The following HS3ST4 variants were observed in gnomAD, a reference collection of about 807,000 sequenced individuals.
The protein encoded by HS3ST4 is heparan sulfate glucosamine 3-O-sulfotransferase 4.
HS3ST4 carries 17 observed loss-of-function variants against 29.2 expected under a neutral mutation model. The ratio of observed to expected loss-of-function variants is 0.58; its 90% CI spans 0.40 to 0.87. The LOEUF is 0.87. HS3ST4 is among the 40% of genes least tolerant of loss of function. HS3ST4 has a pLI of 0.00. For missense variants in HS3ST4, 627 were observed against 634.5 expected, an observed-to-expected ratio of 0.99 and a Z score of 0.13; for synonymous variants, 314 against 285.7, an observed-to-expected ratio of 1.10 and a Z score of -1.00.
At chr16:25,920,895 G>A (rs1968344814) in intron 1 of HS3ST4, among the ~76,000 whole-genome samples, 1 of 152,052 alleles carries the variant, frequency 6.6e-6, no homozygotes, top group Non-Finnish European at 1.5e-5. Flanking sequence ...TGGGATTACA[G>A]GTGTGAGCCA....
intron 1 of HS3ST4, among the ~76,000 whole-genome samples, chr16:25,985,649 A>T (rs534424125): frequency 1.3e-5 from 2 of 151,166 alleles, no homozygotes; most frequent in East Asian, 3.9e-4. Flanking sequence ...CTTATTACTT[A>T]TTTTTTATTT....
At chr16:25,761,066 C>G (rs1244123746) in intron 1 of HS3ST4, among the ~76,000 whole-genome samples, 1 of 152,154 alleles carries the variant, frequency 6.6e-6, no homozygotes, top group Non-Finnish European at 1.5e-5. Flanking sequence ...GACCGACCTC[C>G]CCATCAGACC....
chr16:25,862,517 G>A (rs968153273), intron 1 of HS3ST4, among the ~76,000 whole-genome samples: 1 of 152,270 alleles, frequency 6.6e-6, no homozygotes, highest in African/African-American at 2.4e-5. Context: ...TAATGCCGAT[G>A]CTGATATGAC....
intron 1 of HS3ST4, among the ~76,000 whole-genome samples, chr16:26,057,868 G>A (rs1255510070): frequency 6.6e-6 from 1 of 152,194 alleles, no homozygotes; most frequent in Non-Finnish European, 1.5e-5. Context: ...GAGAGATGCA[G>A]GTCTGGGCCA....
At chr16:25,906,799 T>C (rs541707755) in intron 1 of HS3ST4, among the ~76,000 whole-genome samples, 9 of 152,192 alleles carry the variant, frequency 5.9e-5, no homozygotes, top group African/African-American at 1.9e-4. Context: ...TGTTTGGAAA[T>C]AGCGCTTAAG....
intron 1 of HS3ST4, among the ~76,000 whole-genome samples, chr16:25,822,609 T>C (rs1967171168): frequency 6.6e-6 from 1 of 152,208 alleles, no homozygotes; most frequent in African/African-American, 2.4e-5. Context: ...TGCCCTCTGC[T>C]GAGGACCACT....
intron 1 of HS3ST4, among the ~76,000 whole-genome samples, chr16:25,883,661 T>TGGAG (rs903189450): frequency 6.6e-6 from 1 of 152,168 alleles, no homozygotes; most frequent in African/African-American, 2.4e-5. Flanking sequence ...AACCATGGTG[T>TGGAG]GGAGTGTTTA....
intron 1 of HS3ST4, among the ~76,000 whole-genome samples, chr16:25,824,248 T>G (rs1228187116): frequency 2.0e-4 from 31 of 151,866 alleles, no homozygotes; most frequent in Admixed American, 2.0e-3. Flanking sequence ...GCCTGAATAC[T>G]CAATGAGCAA....
chr16:25,912,238 T>C (rs1469412446), intron 1 of HS3ST4, among the ~76,000 whole-genome samples: 1 of 152,154 alleles, frequency 6.6e-6, no homozygotes, highest in Non-Finnish European at 1.5e-5. Context: ...TATCCTCAGG[T>C]CTTGCTCACT....
intron 1 of HS3ST4, among the ~76,000 whole-genome samples, chr16:25,809,091 TC>T (rs1446125417): frequency 2.0e-5 from 3 of 152,150 alleles, no homozygotes; most frequent in Non-Finnish European, 4.4e-5. Flanking sequence ...TTCTTTCTTT[TC>T]CTTCCCTTAT....
At chr16:25,870,166 GCCCATCCATCCATCCA>G (rs1245078431) in intron 1 of HS3ST4, among the ~76,000 whole-genome samples, 2 of 151,362 alleles carry the variant, frequency 1.3e-5, no homozygotes, top group South Asian at 2.1e-4. Context: ...TCCATCATTT[GCCCATCCATCCATCCA>G]CCCATCCATC....
At chr16:25,795,572 C>G (rs979465993) in intron 1 of HS3ST4, among the ~76,000 whole-genome samples, 3 of 152,136 alleles carry the variant, frequency 2.0e-5, no homozygotes, top group African/African-American at 7.2e-5. Flanking sequence ...TCGTGAGTCT[C>G]TTTTTATTGT....
intron 1 of HS3ST4, among the ~76,000 whole-genome samples, chr16:25,784,715 T>A (rs1018114031): frequency 2.0e-5 from 3 of 152,170 alleles, no homozygotes; most frequent in African/African-American, 7.2e-5. Context: ...AAAGAAGCCA[T>A]CTCCATAACA....
intron 1 of HS3ST4, among the ~76,000 whole-genome samples, chr16:25,769,360 C>G (rs575267856): frequency 5.3e-5 from 8 of 152,310 alleles, no homozygotes; most frequent in African/African-American, 1.7e-4. Flanking sequence ...ACAGTTATCT[C>G]TGCAGTCTTC....
chr16:25,847,073 T>G (rs1194480123), intron 1 of HS3ST4, among the ~76,000 whole-genome samples: 1 of 152,032 alleles, frequency 6.6e-6, no homozygotes, highest in Admixed American at 6.6e-5. Flanking sequence ...AGGCAGTTTA[T>G]TAGCTTTCTT....
At chr16:25,948,375 CTTCTGG>C (rs1365142450) in intron 1 of HS3ST4, among the ~76,000 whole-genome samples, 2 of 151,954 alleles carry the variant, frequency 1.3e-5, no homozygotes, top group Non-Finnish European at 2.9e-5. Flanking sequence ...GGATTTTAGG[CTTCTGG>C]ATGAAGGTTG....
rs140253704 is a variant in HS3ST4, at chr16:26,107,235, C to T, written c.735-28377C>T. ...TAAAGAATTTGTTGCCCATAGAAATCGTTTAACACAAAACTACACACACAC... is the reference window on the plus strand; with the variant it reads ...TAAAGAATTTGTTGCCCATAGAAATTGTTTAACACAAAACTACACACACAC... On this transcript the variant is annotated intron_variant, in intron 1 of 1. Transcript: ENST00000331351. Among the ~76,000 whole-genome samples, 512 of 151,838 alleles carry T rather than the reference C, an allele frequency of 3.4e-3. 5 individuals are homozygous for T. The highest frequency in any genetic ancestry group is 0.012 in the African/African-American group (490 of 41,380).
chr16:25,707,416 T>A (rs1309405801), intron 1 of HS3ST4, among the ~76,000 whole-genome samples: 1 of 152,236 alleles, frequency 6.6e-6, no homozygotes, highest in Non-Finnish European at 1.5e-5. Flanking sequence ...ATCATAGCTA[T>A]GTATGTATAG....
chr16:25,759,125 A>C (rs1966774641), intron 1 of HS3ST4, among the ~76,000 whole-genome samples: 1 of 152,200 alleles, frequency 6.6e-6, no homozygotes, highest in Non-Finnish European at 1.5e-5. Flanking sequence ...GCTCAGAGAT[A>C]GTTTGCTTAG....
Sources: allele counts gnomAD v4.1 joint callset (sites outside exome capture counted in the v4.1 genomes callset), GRCh38; gene constraint gnomAD v4.1.1; transcripts MANE v1.5; gene names NCBI Gene and HGNC (gene_info 2026-07-23, HGNC 2026-07-21).